Variants in PDE1C observed in about 807,000 individuals in gnomAD.
The protein encoded by PDE1C is phosphodiesterase 1C.
In PDE1C, 62 loss-of-function variants were observed where a neutral mutation model predicts 93.1. That is an observed-to-expected ratio of 0.67 (90% CI 0.54 to 0.82). PDE1C has a LOEUF of 0.82. PDE1C is among the 40% of genes least tolerant of loss of function. PDE1C has a pLI of 0.00. For synonymous variants in PDE1C, 325 were observed against 310.1 expected, an observed-to-expected ratio of 1.05 and a Z score of -0.50; for missense variants, 742 against 884.6, an observed-to-expected ratio of 0.84 and a Z score of 2.04.
At chr7:32,140,624 A>G (rs748795951) in intron 3 of PDE1C, among the ~76,000 whole-genome samples, 36 of 152,248 alleles carry the variant, frequency 2.4e-4, no homozygotes, top group Non-Finnish European at 4.1e-4. Context: ...CCCATCAGAC[A>G]TTCTGCAGGT....
chr7:31,884,656 T>C (rs1797662540), intron 2 of PDE1C, among the ~76,000 whole-genome samples: 2 of 152,308 alleles, frequency 1.3e-5, no homozygotes, highest in Middle Eastern at 6.8e-3. Context: ...TTATGCTCCA[T>C]AGGCCCCTCA....
chr7:31,880,957 A>C, intron 2 of PDE1C, 97 bp from the exon 3 acceptor site: 1 of 772,008 alleles, frequency 1.3e-6, no homozygotes, highest in Non-Finnish European at 2.2e-6. Context: ...GAATATTCTC[A>C]CTTATTCTGA....
intron 2 of PDE1C, among the ~76,000 whole-genome samples, chr7:31,894,255 T>G (rs1798995268): frequency 6.6e-6 from 1 of 152,216 alleles, no homozygotes; most frequent in South Asian, 2.1e-4. Flanking sequence ...AGAGGGAGTC[T>G]TCTTTTCTCC....
intron 1 of PDE1C, among the ~76,000 whole-genome samples, chr7:32,312,982 G>T (rs1330845482): frequency 6.6e-6 from 1 of 151,970 alleles, no homozygotes; most frequent in Non-Finnish European, 1.5e-5. Context: ...CAAAATGGGA[G>T]AAAATTTTCC....
At chr7:31,685,115 T>A in the PDE1C span, among the ~76,000 whole-genome samples, 1 of 151,622 alleles carries the variant, frequency 6.6e-6, no homozygotes, top group East Asian at 1.9e-4. Context: ...TAGGGAATAA[T>A]GCTGAGTGAA....
the PDE1C span, among the ~76,000 whole-genome samples, chr7:31,699,670 TG>T: frequency 0.063 from 9,549 of 152,184 alleles, 355 homozygotes; most frequent in Non-Finnish European, 0.088. Context: ...TGGATGTTTG[TG>T]GTAACCCTGC....
At chr7:31,974,646 G>A (rs1213885408) in intron 2 of PDE1C, among the ~76,000 whole-genome samples, 2 of 152,022 alleles carry the variant, frequency 1.3e-5, no homozygotes, top group Admixed American at 6.6e-5. Context: ...AGGGAGGGAG[G>A]GCTAGCCAAG....
chr7:32,401,678 G>C (rs902594076), intron 1 of PDE1C, among the ~76,000 whole-genome samples: 1 of 152,158 alleles, frequency 6.6e-6, no homozygotes, highest in African/African-American at 2.4e-5. Flanking sequence ...GTCCCTCACC[G>C]AGGAGATTCT....
intron 9 of PDE1C, among the ~76,000 whole-genome samples, chr7:31,841,650 A>G (rs1440202184): frequency 6.6e-6 from 1 of 152,116 alleles, no homozygotes; most frequent in East Asian, 1.9e-4. Flanking sequence ...GTTTTTAAAT[A>G]TGGGGAATTC....
intron 6 of PDE1C, among the ~76,000 whole-genome samples, chr7:31,871,235 A>G (rs1169211369): frequency 6.6e-6 from 1 of 152,032 alleles, no homozygotes; most frequent in Non-Finnish European, 1.5e-5. Context: ...CTCAAAATCT[A>G]TTACGGACTT....
intron 3 of PDE1C, among the ~76,000 whole-genome samples, chr7:32,110,776 G>A (rs894832631): frequency 6.6e-6 from 1 of 152,156 alleles, no homozygotes; most frequent in Non-Finnish European, 1.5e-5. Flanking sequence ...AAAAACTCCA[G>A]AGCAGCTCTG....
chr7:32,237,742 G>GTATATATATA (rs372356671), intron 1 of PDE1C, among the ~76,000 whole-genome samples: 30 of 31,222 alleles, frequency 9.6e-4, no homozygotes, highest in South Asian at 2.8e-3. Flanking sequence ...TTGGCTCTGT[G>GTATATATATA]TATATATATA....
intron 2 of PDE1C, among the ~76,000 whole-genome samples, chr7:32,020,546 T>G (rs1301259575): frequency 1.3e-5 from 2 of 152,092 alleles, no homozygotes; most frequent in South Asian, 4.1e-4. Flanking sequence ...CCAAATTTCA[T>G]ACATAAGAAA....
At chr7:32,396,014 C>T (rs971216240) in intron 1 of PDE1C, among the ~76,000 whole-genome samples, 1 of 152,006 alleles carries the variant, frequency 6.6e-6, no homozygotes, top group Non-Finnish European at 1.5e-5. Context: ...TGAACGCAAT[C>T]ACAATAAAAA....
At chr7:31,656,493 T>A in the PDE1C span, 1 of 982,166 alleles carries the variant, frequency 1.0e-6, no homozygotes. Flanking sequence ...ACTCAATAAA[T>A]GCTAACTGTA....
At chr7:32,203,065 T>G (rs1805136589) in intron 2 of PDE1C, among the ~76,000 whole-genome samples, 1 of 152,070 alleles carries the variant, frequency 6.6e-6, no homozygotes. Flanking sequence ...CTATTTTGCT[T>G]GCCATAGCAC....
intron 2 of PDE1C, among the ~76,000 whole-genome samples, chr7:31,963,968 T>A (rs976769979): frequency 6.6e-6 from 1 of 152,030 alleles, no homozygotes; most frequent in Non-Finnish European, 1.5e-5. Flanking sequence ...AAGAAAAAAG[T>A]GGGGTGGAGG....
intron 1 of PDE1C, among the ~76,000 whole-genome samples, chr7:32,260,733 C>A (rs1040662800): frequency 1.4e-4 from 21 of 152,210 alleles, no homozygotes; most frequent in African/African-American, 4.8e-4. Flanking sequence ...CATGGTTTGA[C>A]TCTGAAACAA....
chr7:31,794,858 T>A (rs958470168), intron 16 of PDE1C, among the ~76,000 whole-genome samples: 1 of 151,972 alleles, frequency 6.6e-6, no homozygotes, highest in Admixed American at 6.6e-5. Context: ...AAGTGAGGCT[T>A]GGATTTTAGA....
Sources: gnomAD v4.1 joint callset for allele counts (sites outside exome capture counted in the v4.1 genomes callset) on GRCh38, gnomAD v4.1.1 for gene constraint, MANE v1.5 for transcripts, NCBI Gene and HGNC (gene_info 2026-07-23, HGNC 2026-07-21) for gene names.